Variants in RCAN2 observed in about 807,000 individuals in gnomAD.
RCAN2 encodes calcipressin-2.
In RCAN2, 9 loss-of-function variants were observed where a neutral mutation model predicts 23.6. The ratio of observed to expected loss-of-function variants is 0.38; its 90% CI spans 0.23 to 0.67. The LOEUF (loss-of-function observed/expected upper bound fraction) is 0.67, where lower values mean the gene tolerates loss of function less well. RCAN2 is among the 30% of genes least tolerant of loss of function. The probability of loss-of-function intolerance (pLI) is 0.51; values close to 1 mark genes in which losing one functional copy is unlikely to be tolerated. For synonymous variants in RCAN2, 109 were observed against 115.7 expected, an observed-to-expected ratio of 0.94 and a Z score of 0.37; for missense variants, 273 against 302.3, an observed-to-expected ratio of 0.90 and a Z score of 0.72.
chr6:46,314,893 G>A (rs1413279278), intron 2 of RCAN2, among the ~76,000 whole-genome samples: 2 of 151,978 alleles, frequency 1.3e-5, no homozygotes, highest in Admixed American at 6.6e-5. Flanking sequence ...AAACCCTGTC[G>A]CTACAAAAAA....
At chr6:46,442,640 C>T (rs532491318) in intron 2 of RCAN2, among the ~76,000 whole-genome samples, 1 of 152,124 alleles carries the variant, frequency 6.6e-6, no homozygotes, top group Non-Finnish European at 1.5e-5. Flanking sequence ...TAATATCATA[C>T]CAGAATAAAT....
At chr6:46,474,574 T>C (rs190752126) in intron 1 of RCAN2, among the ~76,000 whole-genome samples, 3 of 152,246 alleles carry the variant, frequency 2.0e-5, no homozygotes, top group East Asian at 3.9e-4. Context: ...AAGTGAGTGA[T>C]GGTACGTTTG....
At chr6:46,393,487 C>T (rs1005037495) in intron 2 of RCAN2, among the ~76,000 whole-genome samples, 17 of 152,154 alleles carry the variant, frequency 1.1e-4, no homozygotes, top group African/African-American at 3.1e-4. Context: ...CCAGGGGAAA[C>T]GGTGGGATGA....
chr6:46,419,007 G>C (rs531676851), intron 2 of RCAN2, among the ~76,000 whole-genome samples: 6 of 151,792 alleles, frequency 4.0e-5, no homozygotes, highest in African/African-American at 1.4e-4. Flanking sequence ...AGTGAGCCGA[G>C]ATAGCAAAAA....
intron 2 of RCAN2, among the ~76,000 whole-genome samples, chr6:46,365,504 A>AAAAG (rs368019124): frequency 1.1e-5 from 1 of 92,332 alleles, no homozygotes; most frequent in African/African-American, 3.3e-5. Flanking sequence ...AAAAGAAAAG[A>AAAAG]AAAAGAAAAA....
intron 4 of RCAN2, among the ~76,000 whole-genome samples, chr6:46,240,630 T>C (rs947703147): frequency 6.6e-6 from 1 of 152,184 alleles, no homozygotes; most frequent in Non-Finnish European, 1.5e-5. Flanking sequence ...ATACAGCAAT[T>C]GCTGAATGAG....
chr6:46,371,922 T>G (rs1282199704), intron 2 of RCAN2, among the ~76,000 whole-genome samples: 1 of 152,206 alleles, frequency 6.6e-6, no homozygotes, highest in African/African-American at 2.4e-5. Context: ...GACATGGAGA[T>G]CTCTTGTTGA....
chr6:46,295,584 G>A (rs1762701227), intron 2 of RCAN2, among the ~76,000 whole-genome samples: 1 of 152,250 alleles, frequency 6.6e-6, no homozygotes, highest in African/African-American at 2.4e-5. Flanking sequence ...GAGTTGGCAG[G>A]AAGCAAAAGC....
chr6:46,243,120 G>A (rs931789793), intron 4 of RCAN2, among the ~76,000 whole-genome samples: 6 of 152,224 alleles, frequency 3.9e-5, no homozygotes, highest in Non-Finnish European at 7.3e-5. Flanking sequence ...GAGACGCGAT[G>A]TGGGGGAGGA....
intron 2 of RCAN2, among the ~76,000 whole-genome samples, chr6:46,436,744 T>C (rs1201425924): frequency 6.6e-6 from 1 of 152,182 alleles, no homozygotes; most frequent in Non-Finnish European, 1.5e-5. Flanking sequence ...GTCGCACAAC[T>C]AATAAGCAGT....
chr6:46,454,857 C>A (rs1158179287), intron 2 of RCAN2, among the ~76,000 whole-genome samples: 1 of 152,204 alleles, frequency 6.6e-6, no homozygotes, highest in Non-Finnish European at 1.5e-5. Context: ...GAACTCCCCC[C>A]TCCAGCCCCT....
At chr6:46,241,371 C>A (rs1486869335) in intron 4 of RCAN2, among the ~76,000 whole-genome samples, 1 of 152,190 alleles carries the variant, frequency 6.6e-6, no homozygotes, top group East Asian at 1.9e-4. Context: ...TGATGGGCTT[C>A]TACACATTCC....
intron 2 of RCAN2, among the ~76,000 whole-genome samples, chr6:46,376,256 A>G (rs758347690): frequency 1.8e-4 from 28 of 152,210 alleles, no homozygotes; most frequent in Non-Finnish European, 3.2e-4. Flanking sequence ...CTGGCACACA[A>G]TCCTCAGTAA....
intron 2 of RCAN2, among the ~76,000 whole-genome samples, chr6:46,352,338 CAAAGAGGAGG>C (rs1764678696): frequency 6.6e-6 from 1 of 152,210 alleles, no homozygotes; most frequent in African/African-American, 2.4e-5. Flanking sequence ...ATAAGTGTAG[CAAAGAGGAGG>C]AAATGATGAT....
Position 46,332,501 on chromosome 6 carries a change from T to C in RCAN2, c.226-83605A>G, listed in dbSNP as rs1392708467. Among the ~76,000 whole-genome samples, 3 of 127,152 alleles carry C rather than the reference T, an allele frequency of 2.4e-5. No homozygotes were observed. The East Asian group carries it at 7.4e-4, about 31-fold the overall frequency. 83.4% of individuals were successfully genotyped at this position (127,152 alleles called of 152,430 possible). ...CAGTCCCCAGAGTGTGATGTTCCCC[T>C]TCCTGTGTCCATGTGTTCTCATTGT... On this transcript the variant is annotated intron_variant, in intron 2 of 4. Coordinates refer to ENST00000371374, the MANE Select transcript of RCAN2 (RefSeq NM_001251974.2).
chr6:46,310,281 G>A (rs1364737968), intron 2 of RCAN2, among the ~76,000 whole-genome samples: 1 of 152,054 alleles, frequency 6.6e-6, no homozygotes, highest in Non-Finnish European at 1.5e-5. Context: ...AAAGCAGAAG[G>A]TTCAAGGGAA....
At chr6:46,479,264 A>G (rs968926169) in intron 1 of RCAN2, among the ~76,000 whole-genome samples, 1 of 152,228 alleles carries the variant, frequency 6.6e-6, no homozygotes, top group African/African-American at 2.4e-5. Flanking sequence ...CAGGAAAAAC[A>G]ATTTAGAATG....
intron 4 of RCAN2, among the ~76,000 whole-genome samples, chr6:46,244,849 G>T (rs936899084): frequency 6.6e-6 from 1 of 152,222 alleles, no homozygotes; most frequent in African/African-American, 2.4e-5. Flanking sequence ...CCTCTACAAA[G>T]TGTTCAAGTG....
intron 2 of RCAN2, among the ~76,000 whole-genome samples, chr6:46,394,102 CA>C (rs1385354483): frequency 6.6e-6 from 1 of 152,200 alleles, no homozygotes; most frequent in African/African-American, 2.4e-5. Context: ...TCCTCTGTGA[CA>C]ATACCCAGCA....
Sources: gnomAD v4.1 joint callset for allele counts (sites outside exome capture counted in the v4.1 genomes callset) on GRCh38, gnomAD v4.1.1 for gene constraint, MANE v1.5 for transcripts, NCBI Gene and HGNC (gene_info 2026-07-23, HGNC 2026-07-21) for gene names.